Variants in GALNT14 observed in about 807,000 individuals in gnomAD.
GALNT14 encodes polypeptide N-acetylgalactosaminyltransferase 14, also known as UDP-GalNAc:polypeptide N-acetylgalactosaminyltransferase 14.
GALNT14 carries 60 observed loss-of-function variants against 77.5 expected under a neutral mutation model. That is an observed-to-expected ratio of 0.77 (90% CI 0.63 to 0.96). The LOEUF (loss-of-function observed/expected upper bound fraction) is 0.96, where lower values mean the gene tolerates loss of function less well. Among genes scored for constraint, GALNT14 ranks in the 40% least tolerant of loss-of-function variants. The pLI, the probability that GALNT14 is intolerant of heterozygous loss-of-function variation, is 0.00. For synonymous variants in GALNT14, 280 were observed against 281.7 expected (o/e 0.99, Z 0.06); for missense variants, 710 against 731.0 (o/e 0.97, Z 0.33).
chr2:30,896,541 A>C, the GALNT14 span, among the ~76,000 whole-genome samples: 1,167 of 152,310 alleles, frequency 7.7e-3, 28 homozygotes, highest in Non-Finnish European at 8.0e-3. Context: ...TATAGCTACT[A>C]TTTTTATGTG....
chr2:31,101,105 T>C (rs1218090070), intron 1 of GALNT14, among the ~76,000 whole-genome samples: 1 of 152,032 alleles, frequency 6.6e-6, no homozygotes, highest in African/African-American at 2.4e-5. Flanking sequence ...CCTTAGCCAG[T>C]CAAGCTTTCT....
chr2:31,083,255 C>A (rs1676243391), intron 1 of GALNT14, among the ~76,000 whole-genome samples: 1 of 152,124 alleles, frequency 6.6e-6, no homozygotes, highest in African/African-American at 2.4e-5. Context: ...TGCAGATGGC[C>A]TTAAGTGCCT....
the GALNT14 span, among the ~76,000 whole-genome samples, chr2:30,892,770 A>T: frequency 2.0e-5 from 3 of 152,126 alleles, no homozygotes; most frequent in East Asian, 1.9e-4. Context: ...TGATATCCTG[A>T]CTTCTCCCAC....
chr2:31,070,814 T>C (rs1041949776), intron 1 of GALNT14, among the ~76,000 whole-genome samples: 2 of 152,172 alleles, frequency 1.3e-5, no homozygotes, highest in African/African-American at 4.8e-5. Flanking sequence ...ATTTGACGTT[T>C]AAAGGATGCA....
At chr2:31,078,582 G>A (rs988324666) in intron 1 of GALNT14, among the ~76,000 whole-genome samples, 2 of 152,164 alleles carry the variant, frequency 1.3e-5, no homozygotes, top group Non-Finnish European at 2.9e-5. Flanking sequence ...CCACTCCTTG[G>A]AGCCAGATCA....
At chr2:31,029,879 C>A (rs1027149162) in intron 1 of GALNT14, among the ~76,000 whole-genome samples, 2 of 152,196 alleles carry the variant, frequency 1.3e-5, no homozygotes, top group African/African-American at 4.8e-5. Flanking sequence ...TAACCCATAT[C>A]CCCACTAGCT....
intron 2 of GALNT14, among the ~76,000 whole-genome samples, chr2:30,989,256 T>C (rs1669509082): frequency 6.6e-6 from 1 of 152,074 alleles, no homozygotes; most frequent in South Asian, 2.1e-4. Flanking sequence ...CTCATGGGGA[T>C]TTGACACCAC....
At chr2:31,072,160 G>C (rs1443191855) in intron 1 of GALNT14, among the ~76,000 whole-genome samples, 1 of 152,034 alleles carries the variant, frequency 6.6e-6, no homozygotes, top group African/African-American at 2.4e-5. Flanking sequence ...CTCTGCTGTG[G>C]GGTGCAGAGG....
intron 1 of GALNT14, among the ~76,000 whole-genome samples, chr2:31,022,107 T>C (rs145156289): frequency 6.6e-6 from 1 of 152,282 alleles, no homozygotes; most frequent in East Asian, 1.9e-4. Flanking sequence ...CTATTCTTTG[T>C]GGGCTAGAAC....
In GALNT14 at chr2:31,086,241, C is replaced by T. The variant is rs145730524; in HGVS notation, c.129+51717G>A. ...CTTGGTCTTCAGGCACATAGAGTTGCTAGCACTCAACTTGCGGCTACCCTC... is the reference window on the plus strand; with the variant it reads ...CTTGGTCTTCAGGCACATAGAGTTGTTAGCACTCAACTTGCGGCTACCCTC... On this transcript the variant is annotated intron_variant, in intron 1 of 14. Transcript: ENST00000349752. Among the ~76,000 whole-genome samples, 4 of 152,304 alleles carry T rather than the reference C, an allele frequency of 2.6e-5. No individual in the cohort carries two copies. In the East Asian group the frequency reaches 7.7e-4, roughly 29 times the overall value.
intron 7 of GALNT14, among the ~76,000 whole-genome samples, chr2:30,945,502 A>T (rs1032160287): frequency 6.6e-6 from 1 of 152,206 alleles, no homozygotes; most frequent in Admixed American, 6.5e-5. Context: ...GGCCACATGT[A>T]GCTGGGAAAT....
At chr2:31,005,438 A>C (rs1670613539) in intron 1 of GALNT14, among the ~76,000 whole-genome samples, 1 of 152,186 alleles carries the variant, frequency 6.6e-6, no homozygotes, top group Non-Finnish European at 1.5e-5. Flanking sequence ...GACAATACTA[A>C]TCTTCACCCT....
intron 1 of GALNT14, among the ~76,000 whole-genome samples, chr2:31,075,222 G>C (rs1675686482): frequency 6.6e-6 from 1 of 152,214 alleles, no homozygotes; most frequent in Non-Finnish European, 1.5e-5. Context: ...ATGATTGGAA[G>C]TTTCCTGAGG....
chr2:30,950,257 T>C (rs1206374925), intron 6 of GALNT14, among the ~76,000 whole-genome samples: 2 of 151,360 alleles, frequency 1.3e-5, no homozygotes, highest in Non-Finnish European at 2.9e-5. Context: ...ATAAGGAGAC[T>C]GAAAAAAAAA....
At chr2:31,065,854 C>T (rs1357041138) in intron 1 of GALNT14, among the ~76,000 whole-genome samples, 1 of 152,136 alleles carries the variant, frequency 6.6e-6, no homozygotes, top group Non-Finnish European at 1.5e-5. Context: ...TGAGTTCCAG[C>T]TCAGAATATA....
At position 30,932,103 on chromosome 2, in the gene GALNT14, G is replaced by A. The variant is rs553549873; in HGVS notation, c.1023C>T (p.Tyr341=). 38 of 1,577,552 alleles carry A rather than the reference G, an allele frequency of 2.4e-5. No homozygotes were observed. In the East Asian group the frequency reaches 3.6e-4, roughly 15 times the overall value. ...TGTTGGCATTTCCATCAGGGAAAAC[G>A]TAGGGGTGCTTCTTCCGGAAGACGT... ...VGHVFRKKHP[Y]VFPDGNANTY... is the part of the protein sequence containing the mutation. Residue 341 remains tyrosine (Y), a synonymous_variant, in exon 10 of 15, where the codon TAC becomes TAT. Transcript: ENST00000349752.
At chr2:31,119,376 C>A (rs926712123) in intron 1 of GALNT14, among the ~76,000 whole-genome samples, 4 of 152,008 alleles carry the variant, frequency 2.6e-5, no homozygotes, top group Non-Finnish European at 1.5e-5. Flanking sequence ...AAAAGATAAA[C>A]CGTACAGTAG....
chr2:31,077,477 T>C (rs888926348), intron 1 of GALNT14, among the ~76,000 whole-genome samples: 2 of 152,178 alleles, frequency 1.3e-5, no homozygotes, highest in African/African-American at 4.8e-5. Context: ...AAATATTTTA[T>C]CCTCTCTCTA....
intron 13 of GALNT14, among the ~76,000 whole-genome samples, chr2:30,914,576 G>T (rs1052745670): frequency 6.6e-6 from 1 of 152,104 alleles, no homozygotes; most frequent in African/African-American, 2.4e-5. Context: ...CCATGAGTAT[G>T]AATGGAGGCC....
Sources: gnomAD v4.1 joint callset for allele counts (sites outside exome capture counted in the v4.1 genomes callset) on GRCh38, gnomAD v4.1.1 for gene constraint, MANE v1.5 for transcripts, NCBI Gene and HGNC (gene_info 2026-07-23, HGNC 2026-07-21) for gene names.